ELP4: variants seen among roughly 807,000 people sequenced by gnomAD.
ELP4 encodes the protein elongator acetyltransferase complex subunit 4.
In ELP4, 51 loss-of-function variants were observed where a neutral mutation model predicts 48.9. That is an observed-to-expected ratio of 1.04 (90% CI 0.83 to 1.32). The LOEUF (loss-of-function observed/expected upper bound fraction) is 1.32, where lower values mean the gene tolerates loss of function less well. ELP4 is among the 40% of genes most tolerant of loss of function. ELP4 has a pLI of 0.00. For missense variants in ELP4, 519 were observed against 514.6 expected (o/e 1.01, Z -0.08); for synonymous variants, 210 against 189.2 (o/e 1.11, Z -0.90).
intron 1 of ELP4, among the ~76,000 whole-genome samples, chr11:31,517,159 A>G (rs1956129134): frequency 6.6e-6 from 1 of 152,086 alleles, no homozygotes; most frequent in Admixed American, 6.5e-5. Context: ...GCTTTTTTGC[A>G]AGGCAAAAAA....
chr11:31,613,545 T>C (rs1217824900), intron 5 of ELP4, among the ~76,000 whole-genome samples: 4 of 152,146 alleles, frequency 2.6e-5, no homozygotes, highest in African/African-American at 9.7e-5. Context: ...CTTAATATCC[T>C]GCAATCGTTT....
chr11:31,579,837 T>TGA (rs1293142517), intron 3 of ELP4, among the ~76,000 whole-genome samples: 2 of 150,982 alleles, frequency 1.3e-5, no homozygotes, highest in African/African-American at 4.9e-5. Flanking sequence ...CTAATGTGAA[T>TGA]GACGAGTTAG....
At chr11:31,519,488 T>A (rs116464402) in intron 1 of ELP4, among the ~76,000 whole-genome samples, 1 of 152,200 alleles carries the variant, frequency 6.6e-6, no homozygotes, top group Non-Finnish European at 1.5e-5. Context: ...TGTGGTTCTA[T>A]CATAGAAGAA....
intron 4 of ELP4, chr11:31,600,337 C>T (rs545507264): frequency 1.3e-5 from 2 of 152,208 alleles, no homozygotes; most frequent in African/African-American, 4.8e-5. Context: ...TATTCTGAGA[C>T]TTAATTTTCT....
rs1378074285 is a variant in ELP4, at chr11:31,678,499, G to A, written c.1143+28278G>A. 0.038 allele frequency among the ~76,000 whole-genome samples: 354 copies of A among 9,436 alleles called. 4 individuals are homozygous for A. The South Asian group carries it at 0.5, about 13-fold the overall frequency. The allele number at this position is 9,436 out of a possible 152,430, so 6.2% of individuals were successfully genotyped here. A position where few individuals can be genotyped will look rare whatever the true frequency, so the allele number is the denominator to read the frequency against. ...ATTTATTGCATACATATATGTATGT[G>A]TGTGTGTGTGTGTGTGTGTGTGTGT... On this transcript the variant is annotated intron_variant, in intron 9 of 9. Transcript: ENST00000640961.
At chr11:31,639,509 A>G (rs924288853) in intron 7 of ELP4, among the ~76,000 whole-genome samples, 4 of 151,912 alleles carry the variant, frequency 2.6e-5, no homozygotes, top group Admixed American at 6.6e-5. Context: ...GTTAATTTTT[A>G]AAGTCACATC....
intron 3 of ELP4, among the ~76,000 whole-genome samples, chr11:31,562,017 T>C (rs1010588829): frequency 6.6e-6 from 1 of 152,172 alleles, no homozygotes; most frequent in Non-Finnish European, 1.5e-5. Flanking sequence ...GTTGAAAGCA[T>C]GTGGCTGCCT....
chr11:31,626,998 G>T, intron 5 of ELP4, 112 bp from the exon 6 acceptor site: 2 of 601,168 alleles, frequency 3.3e-6, no homozygotes, highest in Non-Finnish European at 3.0e-6. Context: ...ACATTCTTAA[G>T]TAATCTAATA....
chr11:31,623,347 T>C (rs1023206271), intron 5 of ELP4, among the ~76,000 whole-genome samples: 1 of 52,116 alleles, frequency 1.9e-5, no homozygotes, highest in African/African-American at 6.2e-5. Flanking sequence ...GATATTTATT[T>C]TCAGCAAATA....
chr11:31,593,994 G>A (rs4922868), intron 3 of ELP4, among the ~76,000 whole-genome samples: 96,809 of 151,544 alleles, frequency 0.64, 33,178 homozygotes, highest in Non-Finnish European at 0.76. Context: ...CATAGCACAC[G>A]TTATATTTAC....
chr11:31,602,225 C>T (rs1397633536), intron 4 of ELP4, among the ~76,000 whole-genome samples: 1 of 151,910 alleles, frequency 6.6e-6, no homozygotes, highest in Non-Finnish European at 1.5e-5. Flanking sequence ...TGAGCTCTAG[C>T]AGAGATTGCA....
chr11:31,589,019 T>C (rs1325589661), intron 3 of ELP4, among the ~76,000 whole-genome samples: 2 of 151,918 alleles, frequency 1.3e-5, no homozygotes, highest in Non-Finnish European at 2.9e-5. Flanking sequence ...AAATAACATA[T>C]TAAATGGAAA....
intron 3 of ELP4, among the ~76,000 whole-genome samples, chr11:31,586,911 A>T (rs1957485192): frequency 6.6e-6 from 1 of 152,098 alleles, no homozygotes; most frequent in South Asian, 2.1e-4. Context: ...AAGTGCTGGG[A>T]TTACAGGCGT....
chr11:31,565,184 A>G (rs540857989), intron 3 of ELP4, among the ~76,000 whole-genome samples: 305 of 152,234 alleles, frequency 2.0e-3, no homozygotes, highest in African/African-American at 7.0e-3. Context: ...TCTTTTGAGA[A>G]GTGTCTGTTC....
At chr11:31,584,510 T>A (rs1957441406) in intron 3 of ELP4, among the ~76,000 whole-genome samples, 1 of 151,982 alleles carries the variant, frequency 6.6e-6, no homozygotes, top group African/African-American at 2.4e-5. Context: ...ATTTATAGTT[T>A]TTTTGTTTTG....
In ELP4 at chr11:31,771,307, C is replaced by T. The variant is rs1386787211; in HGVS notation, c.1144-12086C>T. ...AGTATATACCACCTTTGGGGAAATT[C>T]TGTCTCTTGTAGAATATGCATGTTT... On this transcript the variant is annotated intron_variant, in intron 9 of 9. Transcript: ENST00000640961. 8.5e-5 allele frequency among the ~76,000 whole-genome samples: 13 copies of T among 152,298 alleles called. No individual in the cohort carries two copies. The South Asian group carries it at 1.5e-3, about 17-fold the overall frequency.
intron 3 of ELP4, among the ~76,000 whole-genome samples, chr11:31,586,957 A>G (rs1214408382): frequency 6.6e-6 from 1 of 152,108 alleles, no homozygotes; most frequent in African/African-American, 2.4e-5. Context: ...TTTAAACATG[A>G]AGAAACTCCA....
chr11:31,733,627 G>C (rs932005413), intron 9 of ELP4, among the ~76,000 whole-genome samples: 2 of 152,030 alleles, frequency 1.3e-5, no homozygotes, highest in Non-Finnish European at 2.9e-5. Context: ...TAAATTCCTA[G>C]AAGTCTATAG....
At chr11:31,512,171 T>C (rs1315506619) in intron 1 of ELP4, 1 of 152,212 alleles carries the variant, frequency 6.6e-6, no homozygotes, top group Non-Finnish European at 1.5e-5. Flanking sequence ...TATGACTATA[T>C]TGTGACAAAA....
Sources: allele counts gnomAD v4.1 joint callset (sites outside exome capture counted in the v4.1 genomes callset), GRCh38; gene constraint gnomAD v4.1.1; transcripts MANE v1.5; gene names NCBI Gene and HGNC (gene_info 2026-07-23, HGNC 2026-07-21).